ARL15: variants seen among roughly 807,000 people sequenced by gnomAD.
The protein encoded by ARL15 is ARF like GTPase 15, also known as ADP-ribosylation factor-like protein 15.
Under a neutral mutation model 25.2 loss-of-function variants are expected in ARL15, and 19 were observed. The ratio of observed to expected loss-of-function variants is 0.75; its 90% CI spans 0.53 to 1.10. The LOEUF (loss-of-function observed/expected upper bound fraction) is 1.10, where lower values mean the gene tolerates loss of function less well. Ranked by LOEUF, ARL15 falls within the 50% of genes least tolerant of loss-of-function variation. The pLI, the probability that ARL15 is intolerant of heterozygous loss-of-function variation, is 0.00. For missense variants in ARL15, 220 were observed against 246.0 expected (o/e 0.89, Z 0.71); for synonymous variants, 94 against 86.8 (o/e 1.08, Z -0.46).
intron 4 of ARL15, among the ~76,000 whole-genome samples, chr5:54,019,396 C>T (rs1749526997): frequency 6.6e-6 from 1 of 152,100 alleles, no homozygotes; most frequent in Non-Finnish European, 1.5e-5. Context: ...ATTTCGGAAG[C>T]TTTATCTTAA....
At chr5:53,933,624 G>A (rs1350685359) in intron 4 of ARL15, among the ~76,000 whole-genome samples, 4 of 112,078 alleles carry the variant, frequency 3.6e-5, no homozygotes, top group Admixed American at 1.4e-4. Flanking sequence ...CAGTCTGGGC[G>A]ACAGAGCGAG....
At chr5:54,255,164 C>T (rs3797234) in intron 1 of ARL15, among the ~76,000 whole-genome samples, 17,583 of 152,042 alleles carry the variant, frequency 0.12, 1,310 homozygotes, top group East Asian at 0.42. Flanking sequence ...AATGGACACA[C>T]GTATAATTAG....
intron 3 of ARL15, among the ~76,000 whole-genome samples, chr5:54,136,637 A>G (rs1753611947): frequency 6.6e-6 from 1 of 152,222 alleles, no homozygotes; most frequent in Non-Finnish European, 1.5e-5. Flanking sequence ...CATCTGAAAG[A>G]GCTTAAGCAC....
At chr5:54,282,531 T>A in intron 1 of ARL15, 1 of 985,412 alleles carries the variant, frequency 1.0e-6, no homozygotes, top group Non-Finnish European at 1.2e-6. Flanking sequence ...TGTGGCTTTA[T>A]CTTGGGACTG....
At chr5:54,031,686 C>A (rs1749989170) in intron 4 of ARL15, among the ~76,000 whole-genome samples, 1 of 152,150 alleles carries the variant, frequency 6.6e-6, no homozygotes, top group South Asian at 2.1e-4. Context: ...AAATATACCA[C>A]CATTCATGGC....
chr5:54,218,866 G>A (rs1202339442), intron 1 of ARL15, among the ~76,000 whole-genome samples: 2 of 152,094 alleles, frequency 1.3e-5, no homozygotes, highest in African/African-American at 4.8e-5. Flanking sequence ...TGGAGCAGCT[G>A]AAGAGCACAG....
intron 4 of ARL15, among the ~76,000 whole-genome samples, chr5:53,907,479 TATATATATA>T (rs139606034): frequency 2.8e-5 from 1 of 35,176 alleles, no homozygotes; most frequent in African/African-American, 1.3e-4. Context: ...TATATATATA[TATATATATA>T]TTTTTTTTTT....
At chr5:54,265,688 A>G (rs537821871) in intron 1 of ARL15, among the ~76,000 whole-genome samples, 1 of 152,340 alleles carries the variant, frequency 6.6e-6, no homozygotes, top group Admixed American at 6.5e-5. Flanking sequence ...CAGTGAAACA[A>G]AAGGTTTTTA....
chr5:53,994,381 G>A (rs1276669270), intron 4 of ARL15, among the ~76,000 whole-genome samples: 1 of 152,166 alleles, frequency 6.6e-6, no homozygotes, highest in Admixed American at 6.5e-5. Context: ...AACAAACCGA[G>A]TGTTTCAGGG....
intron 4 of ARL15, among the ~76,000 whole-genome samples, chr5:54,008,856 T>G (rs1449415295): frequency 1.3e-5 from 2 of 152,262 alleles, no homozygotes; most frequent in Non-Finnish European, 2.9e-5. Context: ...TGTCATTAAC[T>G]GGAAATCATT....
chr5:54,273,011 TA>T (rs1268188384), intron 1 of ARL15, among the ~76,000 whole-genome samples: 11 of 152,200 alleles, frequency 7.2e-5, no homozygotes, highest in Non-Finnish European at 1.5e-4. Flanking sequence ...AACTACCTAG[TA>T]TAGAATTAAC....
Position 53,885,357 on chromosome 5 carries a change from C to T in ARL15, c.*1204G>A, listed in dbSNP as rs1443399186. On this transcript the variant is annotated 3_prime_UTR_variant, in exon 5 of 5. Coordinates refer to ENST00000504924, the MANE Select transcript of ARL15 (RefSeq NM_019087.3). ...TCAAAGGTGCTAAACCTTAGTAAAACTGTACATTTATCCCTATGCAATTTT... is the reference window on the plus strand; with the variant it reads ...TCAAAGGTGCTAAACCTTAGTAAAATTGTACATTTATCCCTATGCAATTTT... 6.6e-6 allele frequency: 1 copy of T among 152,476 alleles called. No homozygotes were observed. The allele number at this position is 152,476 out of a possible 1,614,324, so 9.4% of individuals were successfully genotyped here.
chr5:53,955,523 C>T (rs927838179), intron 4 of ARL15, among the ~76,000 whole-genome samples: 1 of 152,136 alleles, frequency 6.6e-6, no homozygotes, highest in Admixed American at 6.6e-5. Flanking sequence ...GCAAAAATGG[C>T]AGAGTAGGCA....
chr5:54,087,434 T>C (rs551140957), intron 4 of ARL15, among the ~76,000 whole-genome samples: 8 of 152,278 alleles, frequency 5.3e-5, no homozygotes, highest in African/African-American at 1.9e-4. Context: ...TATGCTACTT[T>C]AGCAATTTCT....
intron 1 of ARL15, among the ~76,000 whole-genome samples, chr5:54,193,430 A>G (rs1755460589): frequency 6.6e-6 from 1 of 152,146 alleles, no homozygotes; most frequent in Non-Finnish European, 1.5e-5. Context: ...AGCAGGAGGT[A>G]AGCAGCAGGT....
At chr5:53,944,533 A>G (rs1746659456) in intron 4 of ARL15, among the ~76,000 whole-genome samples, 1 of 152,114 alleles carries the variant, frequency 6.6e-6, no homozygotes, top group Non-Finnish European at 1.5e-5. Context: ...TTGAGGCTGC[A>G]GAAAGCTGTG....
At chr5:54,075,073 GAAAAA>G (rs3836818) in intron 4 of ARL15, among the ~76,000 whole-genome samples, 13 of 63,914 alleles carry the variant, frequency 2.0e-4, no homozygotes, top group South Asian at 1.9e-3. Flanking sequence ...CAGAATACAG[GAAAAA>G]AAAAAAAAAA....
intron 4 of ARL15, among the ~76,000 whole-genome samples, chr5:54,006,051 CAAA>C (rs56094450): frequency 2.8e-4 from 16 of 57,570 alleles, no homozygotes; most frequent in African/African-American, 1.1e-3. Context: ...ATTACATCTC[CAAA>C]AAAAAAAAAA....
At chr5:53,892,427 G>A (rs185049198) in intron 4 of ARL15, among the ~76,000 whole-genome samples, 1 of 152,316 alleles carries the variant, frequency 6.6e-6, no homozygotes, top group East Asian at 1.9e-4. Flanking sequence ...CAAGCTGGAA[G>A]ATGATGCAAG....
Sources: gnomAD v4.1 joint callset for allele counts (sites outside exome capture counted in the v4.1 genomes callset) on GRCh38, gnomAD v4.1.1 for gene constraint, MANE v1.5 for transcripts, NCBI Gene and HGNC (gene_info 2026-07-23, HGNC 2026-07-21) for gene names.